Variants in APBB2 observed in about 807,000 individuals in gnomAD.
APBB2 encodes the protein Fe65-like 1.
APBB2 carries 38 observed loss-of-function variants against 82.5 expected under a neutral mutation model. That is an observed-to-expected ratio of 0.46 (90% CI 0.36 to 0.60). The LOEUF is 0.60. Ranked by LOEUF, APBB2 falls within the 20% of genes least tolerant of loss-of-function variation. The pLI is 0.00. For synonymous variants in APBB2, 341 were observed against 368.2 expected (o/e 0.93, Z 0.85); for missense variants, 772 against 972.3 (o/e 0.79, Z 2.74).
chr4:40,859,316 C>G (rs1259565165), intron 12 of APBB2, among the ~76,000 whole-genome samples: 2 of 149,932 alleles, frequency 1.3e-5, no homozygotes, highest in African/African-American at 4.9e-5. Context: ...GACAGTGTCT[C>G]ACTAGTGCAG....
At chr4:41,026,001 T>C (rs1015991198) in intron 5 of APBB2, among the ~76,000 whole-genome samples, 14 of 141,490 alleles carry the variant, frequency 9.9e-5, no homozygotes, top group Admixed American at 8.5e-4. Flanking sequence ...TACCATGGAA[T>C]ACTATGCAGC....
intron 2 of APBB2, among the ~76,000 whole-genome samples, chr4:41,121,709 T>C (rs1463798967): frequency 2.0e-5 from 3 of 152,170 alleles, no homozygotes; most frequent in African/African-American, 7.2e-5. Context: ...CCCTGGGTCC[T>C]GTCAGGTGGC....
At chr4:41,179,087 C>T (rs140536541) in intron 1 of APBB2, among the ~76,000 whole-genome samples, 3 of 152,284 alleles carry the variant, frequency 2.0e-5, no homozygotes, top group South Asian at 2.1e-4. Context: ...TCCATTTACT[C>T]GCTCAACAAA....
At chr4:41,029,004 T>C (rs993958990) in intron 5 of APBB2, among the ~76,000 whole-genome samples, 1 of 152,138 alleles carries the variant, frequency 6.6e-6, no homozygotes, top group African/African-American at 2.4e-5. Flanking sequence ...AACCTGCTGC[T>C]CTCCCTTTAC....
At chr4:40,876,070 C>T (rs1413309953) in intron 12 of APBB2, among the ~76,000 whole-genome samples, 1 of 152,164 alleles carries the variant, frequency 6.6e-6, no homozygotes, top group Non-Finnish European at 1.5e-5. Flanking sequence ...TTCCTGGTGG[C>T]TTGGTTATCA....
At chr4:41,024,055 C>T (rs953629867) in intron 5 of APBB2, among the ~76,000 whole-genome samples, 16 of 152,278 alleles carry the variant, frequency 1.1e-4, no homozygotes, top group African/African-American at 3.6e-4. Context: ...TTATCTTCAA[C>T]AAAGCTGACA....
chr4:40,972,445 T>TAATACATAAATAAATA (rs1796192588), intron 6 of APBB2, among the ~76,000 whole-genome samples: 1 of 146,998 alleles, frequency 6.8e-6, no homozygotes, highest in South Asian at 2.1e-4. Flanking sequence ...AAAAAAATAA[T>TAATACATAAATAAATA]AATAAATAAA....
chr4:41,139,560 C>T (rs191684314), intron 2 of APBB2, among the ~76,000 whole-genome samples: 6 of 152,024 alleles, frequency 3.9e-5, no homozygotes, highest in East Asian at 1.9e-4. Flanking sequence ...TGTGGAACAA[C>T]GATATAATGG....
intron 1 of APBB2, chr4:41,207,989 T>C (rs1778380707): frequency 6.6e-6 from 1 of 152,214 alleles, no homozygotes; most frequent in Non-Finnish European, 1.5e-5. Flanking sequence ...ATTATCATCA[T>C]TGTGATAAGA....
At chr4:40,974,360 G>A (rs952349689) in intron 6 of APBB2, among the ~76,000 whole-genome samples, 2 of 152,192 alleles carry the variant, frequency 1.3e-5, no homozygotes, top group African/African-American at 4.8e-5. Flanking sequence ...AGAACTGTTT[G>A]AGGGTAGGGA....
At chr4:40,891,391 A>ACT (rs1428293931) in intron 11 of APBB2, among the ~76,000 whole-genome samples, 2 of 151,200 alleles carry the variant, frequency 1.3e-5, no homozygotes, top group African/African-American at 4.9e-5. Context: ...CAGCTGAAAG[A>ACT]CTCTCTCTCC....
intron 11 of APBB2, 21 bp from the exon 12 acceptor site, chr4:40,890,512 A>ACG (rs761873853): frequency 1.9e-6 from 3 of 1,612,774 alleles, no homozygotes. Context: ...ACGAGAAAAC[A>ACG]CGCTGTCTTC....
chr4:40,845,260 C>T (rs1440743399), intron 12 of APBB2, among the ~76,000 whole-genome samples: 2 of 152,160 alleles, frequency 1.3e-5, no homozygotes, highest in African/African-American at 2.4e-5. Flanking sequence ...AATTCAGCAC[C>T]TTGTAAATTT....
chr4:41,044,507 T>C (rs531898166), intron 4 of APBB2, among the ~76,000 whole-genome samples: 2 of 152,338 alleles, frequency 1.3e-5, no homozygotes, highest in South Asian at 4.1e-4. Context: ...GCTCACTCTG[T>C]AGAAGGTTCC....
chr4:41,126,982 A>G (rs1754589079), intron 2 of APBB2, among the ~76,000 whole-genome samples: 1 of 152,192 alleles, frequency 6.6e-6, no homozygotes, highest in African/African-American at 2.4e-5. Flanking sequence ...GGGAGACACA[A>G]TTCAGTCCAT....
chr4:41,154,336 C>T (rs10031715), intron 1 of APBB2, among the ~76,000 whole-genome samples: 56,583 of 152,074 alleles, frequency 0.37, 12,540 homozygotes, highest in African/African-American at 0.63. Context: ...AACACAAATG[C>T]ACCTGGCAAT....
chr4:41,193,226 A>G (rs554236115), intron 1 of APBB2, among the ~76,000 whole-genome samples: 1 of 152,320 alleles, frequency 6.6e-6, no homozygotes, highest in African/African-American at 2.4e-5. Context: ...TTTGTCCACC[A>G]ACTAACTTAA....
At position 40,835,675 on chromosome 4, in the gene APBB2, G is replaced by A. The variant is rs1055064146; in HGVS notation, c.1530-5098C>T. Among the ~76,000 whole-genome samples the A allele has an allele frequency of 1.1e-4, 16 of 152,170 alleles. 1 individual carries two copies. The highest frequency in any genetic ancestry group is 3.6e-4 in the African/African-American group (15 of 41,438). On this transcript the variant is annotated intron_variant, in intron 12 of 17. Transcript: ENST00000508593. ...TCTTGCCAGGACTGGCCCTTACTCC[G>A]AGCCATCCCAGTCTTGCAATATTAC...
chr4:40,952,665 T>A (rs1051184315), intron 6 of APBB2, among the ~76,000 whole-genome samples: 5 of 152,166 alleles, frequency 3.3e-5, no homozygotes, highest in Non-Finnish European at 7.4e-5. Context: ...TCCCCATCCA[T>A]AAAACAAAGC....
Sources: gnomAD v4.1 joint callset for allele counts (sites outside exome capture counted in the v4.1 genomes callset) on GRCh38, gnomAD v4.1.1 for gene constraint, MANE v1.5 for transcripts, NCBI Gene and HGNC (gene_info 2026-07-23, HGNC 2026-07-21) for gene names.